The following LSAMP variants were observed in gnomAD, a reference collection of about 807,000 sequenced individuals.
LSAMP encodes limbic system associated membrane protein, also known as limbic system-associated membrane protein.
A neutral mutation model predicts 38.6 loss-of-function variants in LSAMP; 7 were observed. The observed-to-expected ratio is 0.18, with a 90% CI of 0.10 to 0.34. LSAMP has a LOEUF of 0.34. Ranked by LOEUF, LSAMP falls within the 10% of genes least tolerant of loss-of-function variation. LSAMP has a pLI of 1.00. For missense variants in LSAMP, 313 were observed against 420.0 expected (o/e 0.75, Z 2.23); for synonymous variants, 154 against 166.8 (o/e 0.92, Z 0.59).
chr3:116,439,379 T>C (rs940768451), intron 1 of LSAMP, among the ~76,000 whole-genome samples: 3 of 151,476 alleles, frequency 2.0e-5, no homozygotes, highest in South Asian at 4.2e-4. Flanking sequence ...ATCACACTTG[T>C]AGTATCCTGT....
chr3:116,392,746 C>G (rs571547526), intron 1 of LSAMP, among the ~76,000 whole-genome samples: 1 of 152,310 alleles, frequency 6.6e-6, no homozygotes, highest in South Asian at 2.1e-4. Flanking sequence ...CATGGTCACC[C>G]ATGGACCAAT....
chr3:115,984,882 G>A (rs1939465445), intron 3 of LSAMP, among the ~76,000 whole-genome samples: 2 of 152,164 alleles, frequency 1.3e-5, no homozygotes, highest in Non-Finnish European at 2.9e-5. Flanking sequence ...TGGCATGTAC[G>A]AAACACAGAG....
At chr3:116,254,216 C>T (rs1026861655) in intron 1 of LSAMP, among the ~76,000 whole-genome samples, 3 of 152,186 alleles carry the variant, frequency 2.0e-5, no homozygotes, top group Non-Finnish European at 2.9e-5. Flanking sequence ...GCTTCTGTAT[C>T]AATTTTATAA....
At chr3:116,372,878 A>C (rs1559845541) in intron 1 of LSAMP, among the ~76,000 whole-genome samples, 1 of 150,906 alleles carries the variant, frequency 6.6e-6, no homozygotes, top group Non-Finnish European at 1.5e-5. Context: ...AAAAAAAAAA[A>C]CAGAATATAA....
In LSAMP at chr3:116,028,096, G is replaced by C. The variant is rs146485086; in HGVS notation, c.389-8456C>G. ...TATGTCACAGGCTATGAAAGAATAT[G>C]GTGTGTCTATGTAAGAACTGGGTTC... On this transcript the variant is annotated intron_variant, in intron 2 of 6. Coordinates refer to ENST00000490035, the MANE Select transcript of LSAMP (RefSeq NM_002338.5). Among the ~76,000 whole-genome samples, 407 of 152,178 alleles carry C rather than the reference G, an allele frequency of 2.7e-3. 3 individuals carry two copies. The highest frequency in any genetic ancestry group is 9.3e-3 in the African/African-American group (387 of 41,522).
chr3:115,937,106 A>G (rs1443571480), intron 3 of LSAMP, among the ~76,000 whole-genome samples: 1 of 152,200 alleles, frequency 6.6e-6, no homozygotes, highest in African/African-American at 2.4e-5. Context: ...TACATTGTTT[A>G]GATCACAAAG....
At chr3:115,905,481 C>CA (rs1341500326) in intron 3 of LSAMP, among the ~76,000 whole-genome samples, 2 of 152,076 alleles carry the variant, frequency 1.3e-5, no homozygotes. Flanking sequence ...TGTACCTGTT[C>CA]AGTTTTTCAT....
intron 1 of LSAMP, among the ~76,000 whole-genome samples, chr3:116,114,501 CTT>C (rs34046466): frequency 2.0e-5 from 3 of 147,784 alleles, no homozygotes; most frequent in African/African-American, 2.5e-5. Context: ...TCCAGAAATG[CTT>C]TTTTTTTTTC....
chr3:116,391,831 C>A (rs746627021), intron 1 of LSAMP, among the ~76,000 whole-genome samples: 2 of 152,118 alleles, frequency 1.3e-5, no homozygotes, highest in African/African-American at 4.8e-5. Flanking sequence ...CTGATGGTGT[C>A]GGTTTCTTGC....
At chr3:116,279,891 G>T (rs74382980) in intron 1 of LSAMP, among the ~76,000 whole-genome samples, 4,698 of 152,064 alleles carry the variant, frequency 0.031, 243 homozygotes, top group African/African-American at 0.1. Flanking sequence ...AATGTCAACT[G>T]TTCTAGTAAA....
At chr3:116,181,406 C>T (rs970280920) in intron 1 of LSAMP, among the ~76,000 whole-genome samples, 1 of 151,874 alleles carries the variant, frequency 6.6e-6, no homozygotes, top group African/African-American at 2.4e-5. Context: ...AGTTGTCAGC[C>T]CCAAGTACAA....
At chr3:116,423,551 C>T (rs535544580) in intron 1 of LSAMP, among the ~76,000 whole-genome samples, 127 of 152,296 alleles carry the variant, frequency 8.3e-4, no homozygotes, top group African/African-American at 3.0e-3. Context: ...CTCCATCCCC[C>T]ACCTCCTAAA....
At chr3:116,184,331 A>G (rs1452884815) in intron 1 of LSAMP, among the ~76,000 whole-genome samples, 5 of 151,900 alleles carry the variant, frequency 3.3e-5, no homozygotes, top group Non-Finnish European at 5.9e-5. Context: ...GATAGCTCTT[A>G]CTAAGTGGAA....
At chr3:115,953,267 A>G (rs932260632) in intron 3 of LSAMP, among the ~76,000 whole-genome samples, 1 of 152,126 alleles carries the variant, frequency 6.6e-6, no homozygotes, top group African/African-American at 2.4e-5. Context: ...TGATTTTCCA[A>G]GGCAAATTCT....
At chr3:115,822,029 T>G (rs1934256428) in intron 6 of LSAMP, among the ~76,000 whole-genome samples, 1 of 152,226 alleles carries the variant, frequency 6.6e-6, no homozygotes, top group South Asian at 2.1e-4. Flanking sequence ...ATTAACTTCT[T>G]TCTCACAGAT....
intron 3 of LSAMP, among the ~76,000 whole-genome samples, chr3:115,953,404 TACACACACACACAC>T (rs71616336): frequency 3.5e-5 from 5 of 143,706 alleles, no homozygotes; most frequent in East Asian, 2.2e-4. Flanking sequence ...GTAGTGTGCG[TACACACACACACAC>T]ACACACACAC....
chr3:115,949,496 C>T (rs1380214694), intron 3 of LSAMP, among the ~76,000 whole-genome samples: 1 of 148,614 alleles, frequency 6.7e-6, no homozygotes, highest in Non-Finnish European at 1.5e-5. Context: ...AGATAAATTC[C>T]TGGAAATATA....
chr3:116,159,024 C>A (rs1346765460), intron 1 of LSAMP, among the ~76,000 whole-genome samples: 1 of 151,960 alleles, frequency 6.6e-6, no homozygotes, highest in African/African-American at 2.4e-5. Context: ...AATCCCTATC[C>A]AACAAATGGG....
intron 1 of LSAMP, among the ~76,000 whole-genome samples, chr3:116,310,166 G>C (rs189820774): frequency 6.7e-6 from 1 of 149,340 alleles, no homozygotes; most frequent in Non-Finnish European, 1.5e-5. Context: ...ATCTATCTGG[G>C]AACAGACGTT....
Sources: gnomAD v4.1 joint callset for allele counts (sites outside exome capture counted in the v4.1 genomes callset) on GRCh38, gnomAD v4.1.1 for gene constraint, MANE v1.5 for transcripts, NCBI Gene and HGNC (gene_info 2026-07-23, HGNC 2026-07-21) for gene names.